The following ALG1 variants were observed in gnomAD, a reference collection of about 807,000 sequenced individuals.
ALG1 encodes the protein ALG1 chitobiosyldiphosphodolichol beta-mannosyltransferase, also known as chitobiosyldiphosphodolichol beta-mannosyltransferase.
ALG1 carries 58 observed loss-of-function variants against 55.1 expected under a neutral mutation model. That is an observed-to-expected ratio of 1.05 (90% CI 0.85 to 1.31). ALG1 has a LOEUF of 1.31. ALG1 is among the 50% of genes most tolerant of loss of function. The probability of loss-of-function intolerance (pLI) is 0.00; values close to 1 mark genes in which losing one functional copy is unlikely to be tolerated. For missense variants in ALG1, 761 were observed against 598.6 expected (o/e 1.27, Z -2.83); for synonymous variants, 309 against 247.0 (o/e 1.25, Z -2.35).
At chr16:5,084,703 G>T (rs761551695) in intron 12 of ALG1, 47 bp from the exon 13 acceptor site, 2 of 1,596,284 alleles carry the variant, frequency 1.3e-6, no homozygotes, top group South Asian at 1.1e-5. Flanking sequence ...CCTGGGATGG[G>T]GTGGGGACAG....
At chr16:5,081,765 T>C (rs77346464) in intron 10 of ALG1, among the ~76,000 whole-genome samples, 4 of 152,122 alleles carry the variant, frequency 2.6e-5, no homozygotes, top group Non-Finnish European at 4.4e-5. Flanking sequence ...TTTCACCATG[T>C]TGGCCAGGCT....
At position 5,085,110 on chromosome 16, in the gene ALG1, C is replaced by G. The variant is rs547607392; in HGVS notation, c.*229C>G. ...ACGCTTCCTCTCTTCTTCTGTTCTT[C>G]ACGCCCCATGCCCCTGCTAGCGTAT... On this transcript the variant is annotated 3_prime_UTR_variant, in exon 13 of 13. Coordinates refer to ENST00000262374, the MANE Select transcript of ALG1 (RefSeq NM_019109.5). 4 of 734,244 alleles carry G rather than the reference C, an allele frequency of 5.4e-6. No homozygotes were observed. The East Asian group carries it at 8.1e-5, about 15-fold the overall frequency. The allele number at this position is 734,244 out of a possible 1,614,324, so 45.5% of individuals were successfully genotyped here. A position where few individuals can be genotyped will look rare whatever the true frequency, so the allele number is the denominator to read the frequency against.
intron 11 of ALG1, 141 bp downstream of exon 11, chr16:5,082,814 C>T: frequency 1.1e-6 from 1 of 932,238 alleles, no homozygotes; most frequent in Non-Finnish European, 1.7e-6. Context: ...AGGAGGAGCC[C>T]TGCGGTTACT....
chr16:5,076,508 A>T (rs1567167944), intron 4 of ALG1, among the ~76,000 whole-genome samples: 2 of 152,242 alleles, frequency 1.3e-5, no homozygotes, highest in African/African-American at 4.8e-5. Flanking sequence ...CACACAGCTA[A>T]GTGTGAGGAC....
intron 3 of ALG1, 58 bp downstream of exon 3, chr16:5,073,314 C>A (rs1043554582): frequency 1.8e-5 from 27 of 1,487,758 alleles, no homozygotes; most frequent in African/African-American, 4.1e-5. Flanking sequence ...TACTTTCCAG[C>A]ACAAATTGGT....
At chr16:5,079,879 C>T in intron 9 of ALG1, 72 bp downstream of exon 9, 1 of 1,537,148 alleles carries the variant, frequency 6.5e-7, no homozygotes, top group East Asian at 2.3e-5. Context: ...AGCCTTTACC[C>T]TGTGCTTCCC....
Position 5,085,515 on chromosome 16 carries a change from A to C in ALG1, c.*634A>C. 1 of 877,288 alleles carries C rather than the reference A, an allele frequency of 1.1e-6. No homozygotes were observed. The highest frequency in any genetic ancestry group is 3.4e-4 in the Middle Eastern group (1 of 2,944). The allele number at this position is 877,288 out of a possible 1,614,324, so 54.3% of individuals were successfully genotyped here. The stretch of plus-strand genomic sequence containing the variant: ...GGCAGTTTGTGGTTCCTGATTTGGA[A>C]ATTAACATTCTCCAAACATTCCAGT... On this transcript the variant is annotated 3_prime_UTR_variant, in exon 13 of 13. Transcript: ENST00000262374.
At position 5,072,068 on chromosome 16, in the gene ALG1, A is replaced by C; in HGVS notation, c.208+11A>C. The stretch of plus-strand genomic sequence containing the variant: ...TCCTGGGGTTCTGCAGTGAGTGGCC[A>C]AGGGTCTGGGAGGGACGATGCTCTC... On this transcript the variant is annotated intron_variant, in intron 1 of 12. Coordinates refer to ENST00000262374, the MANE Select transcript of ALG1 (RefSeq NM_019109.5). The C allele has an allele frequency of 6.9e-7, 1 of 1,445,512 alleles. No individual in the cohort carries two copies. Among genetic ancestry groups the C allele is most frequent in the Non-Finnish European group, 9.3e-7 (1 of 1,074,730 alleles). 89.5% of individuals were successfully genotyped at this position (1,445,512 alleles called of 1,614,324 possible).
intron 12 of ALG1, among the ~76,000 whole-genome samples, chr16:5,083,997 C>T (rs1013278208): frequency 1.3e-5 from 2 of 152,160 alleles, no homozygotes; most frequent in Non-Finnish European, 2.9e-5. Context: ...GCTGACACTC[C>T]ACAAATGATG....
At chr16:5,079,013 G>A in intron 7 of ALG1, 51 bp from the exon 8 acceptor site, 1 of 1,603,710 alleles carries the variant, frequency 6.2e-7, no homozygotes, top group Non-Finnish European at 8.5e-7. Context: ...CTGTGAGCTG[G>A]AAGAGGGGTG....
chr16:5,082,724 T>C (rs1957037652), intron 11 of ALG1, 51 bp downstream of exon 11: 3 of 1,602,982 alleles, frequency 1.9e-6, no homozygotes, highest in Non-Finnish European at 2.5e-6. Context: ...GATCCACCGC[T>C]GAGGGGGAAG....
chr16:5,082,924 G>T (rs1401018307), intron 11 of ALG1, among the ~76,000 whole-genome samples: 1 of 152,158 alleles, frequency 6.6e-6, no homozygotes, highest in Non-Finnish European at 1.5e-5. Flanking sequence ...CATTAAAAAT[G>T]GCAACTACTT....
In ALG1 at chr16:5,081,019, C is replaced by A. The variant is rs1957008584; in HGVS notation, c.1035C>A (p.Thr345=). The A allele has an allele frequency of 6.3e-7, 1 of 1,596,382 alleles. No individual in the cohort carries two copies. Among genetic ancestry groups the A allele is most frequent in the East Asian group, 2.2e-5 (1 of 44,860 alleles). ...QKHFQHIQVC[T]PWLEAEDYPL... The stretch of plus-strand genomic sequence containing the variant: ...ACTTCCAGCACATCCAGGTCTGCAC[C>A]CCCTGGCTGGAGGCCGAGGACTACC... Residue 345 remains threonine, a synonymous_variant, in exon 10 of 13, where the codon ACC becomes ACA. Transcript: ENST00000262374.
intron 9 of ALG1, among the ~76,000 whole-genome samples, 182 bp from the exon 10 acceptor site, chr16:5,080,764 C>G (rs1347643576): frequency 6.6e-6 from 1 of 152,228 alleles, no homozygotes; most frequent in Admixed American, 6.5e-5. Flanking sequence ...GGTGCACACA[C>G]CCCTGCAGGT....
chr16:5,077,092 C>G (rs1332311602), intron 4 of ALG1, among the ~76,000 whole-genome samples: 4 of 152,164 alleles, frequency 2.6e-5, no homozygotes, highest in Non-Finnish European at 5.9e-5. Context: ...GCCTGTATTT[C>G]TTCCTTTTAC....
chr16:5,085,299 T>C lies in ALG1; in HGVS notation c.*418T>C, dbSNP rs1045801011. 2.0e-6 allele frequency: 1 copy of C among 491,102 alleles called. No individual in the cohort carries two copies. The highest frequency in any genetic ancestry group is 3.4e-5 in the Admixed American group (1 of 29,712). The allele number at this position is 491,102 out of a possible 1,614,324, so 30.4% of individuals were successfully genotyped here. A position where few individuals can be genotyped will look rare whatever the true frequency, so the allele number is the denominator to read the frequency against. On this transcript the variant is annotated 3_prime_UTR_variant, in exon 13 of 13. Transcript: ENST00000262374. The stretch of plus-strand genomic sequence containing the variant: ...ATGTGGCAGCTGCAGTGGGCTTGGC[T>C]TTGTGAGGAACTGAGTGTGTCCACG...
intron 3 of ALG1, among the ~76,000 whole-genome samples, chr16:5,073,617 C>G (rs138156201): frequency 6.6e-6 from 1 of 152,232 alleles, no homozygotes; most frequent in Non-Finnish European, 1.5e-5. Context: ...AGTAGCCCAT[C>G]GCCATACAGC....
chr16:5,085,288 G>T lies in ALG1; in HGVS notation c.*407G>T, dbSNP rs558389580. 5.1e-5 allele frequency: 25 copies of T among 491,930 alleles called. No individual in the cohort carries two copies. Among genetic ancestry groups the T allele is most frequent in the South Asian group, 4.7e-4 (22 of 46,696 alleles). The allele number at this position is 491,930 out of a possible 1,614,324, so 30.5% of individuals were successfully genotyped here. ...TAAGCCCAGGGATGTGGCAGCTGCA[G>T]TGGGCTTGGCTTTGTGAGGAACTGA... is the stretch of plus-strand genomic sequence containing the variant. On this transcript the variant is annotated 3_prime_UTR_variant, in exon 13 of 13. Coordinates refer to ENST00000262374, the MANE Select transcript of ALG1 (RefSeq NM_019109.5).
At chr16:5,074,389 A>G (rs190967481) in intron 3 of ALG1, among the ~76,000 whole-genome samples, 1 of 152,152 alleles carries the variant, frequency 6.6e-6, no homozygotes, top group Admixed American at 6.5e-5. Flanking sequence ...ACCTCAGGTG[A>G]TCCACCTGCC....
Sources: gnomAD v4.1 joint callset for allele counts (sites outside exome capture counted in the v4.1 genomes callset) on GRCh38, gnomAD v4.1.1 for gene constraint, MANE v1.5 for transcripts, NCBI Gene and HGNC (gene_info 2026-07-23, HGNC 2026-07-21) for gene names.